GRIP1: variants seen among roughly 807,000 people sequenced by gnomAD.
GRIP1 encodes glutamate receptor-interacting protein 1.
A neutral mutation model predicts 129.9 loss-of-function variants in GRIP1; 45 were observed. The ratio of observed to expected loss-of-function variants is 0.35; its 90% CI spans 0.27 to 0.44. GRIP1 has a LOEUF of 0.44. Among genes scored for constraint, GRIP1 ranks in the 20% least tolerant of loss-of-function variants. The pLI is 1.00. For missense variants in GRIP1, 1,196 were observed against 1,396.8 expected, an observed-to-expected ratio of 0.86 and a Z score of 2.29; for synonymous variants, 530 against 520.8, an observed-to-expected ratio of 1.02 and a Z score of -0.24.
At chr12:66,479,177 C>T (rs1350011410) in intron 7 of GRIP1, among the ~76,000 whole-genome samples, 1 of 150,546 alleles carries the variant, frequency 6.6e-6, no homozygotes, top group Non-Finnish European at 1.5e-5. Context: ...ACTAGCCAGA[C>T]TAATAAGGAA....
chr12:66,942,713 T>C (rs1203904116), intron 1 of GRIP1, among the ~76,000 whole-genome samples: 2 of 152,198 alleles, frequency 1.3e-5, no homozygotes, highest in Non-Finnish European at 2.9e-5. Context: ...GGCAGTGTAA[T>C]GGACTGCATG....
At chr12:66,600,288 A>G (rs2064222648) in intron 1 of GRIP1, among the ~76,000 whole-genome samples, 1 of 152,208 alleles carries the variant, frequency 6.6e-6, no homozygotes, top group African/African-American at 2.4e-5. Context: ...GATCTATGTT[A>G]ATAATTTTCC....
chr12:66,658,915 T>G lies in GRIP1; in HGVS notation c.55+19935A>C, dbSNP rs190513957. On this transcript the variant is annotated intron_variant, in intron 1 of 24. Coordinates refer to ENST00000359742, the MANE Select transcript of GRIP1 (RefSeq NM_001366722.1). ...CTCCAGTCTGAGCAACACAGTGAGA[T>G]CTTGTCTCCAAAAAAAAAACAAAAT... Among the ~76,000 whole-genome samples the G allele has an allele frequency of 1.1e-3, 160 of 149,964 alleles. 1 individual carries two copies. Among genetic ancestry groups the G allele is most frequent in the African/African-American group, 3.6e-3 (145 of 39,994 alleles).
chr12:66,500,090 C>T (rs2060349233), intron 7 of GRIP1, among the ~76,000 whole-genome samples: 1 of 152,108 alleles, frequency 6.6e-6, no homozygotes, highest in African/African-American at 2.4e-5. Flanking sequence ...ATAACAACAA[C>T]AATAATAAAA....
chr12:66,508,383 A>C (rs892614240), intron 7 of GRIP1, among the ~76,000 whole-genome samples: 3 of 152,192 alleles, frequency 2.0e-5, no homozygotes, highest in Admixed American at 2.0e-4. Context: ...TAGTGTCCCC[A>C]CAGAGTTTGT....
chr12:66,598,885 G>A (rs2064162454), intron 1 of GRIP1, among the ~76,000 whole-genome samples: 1 of 152,128 alleles, frequency 6.6e-6, no homozygotes, highest in Non-Finnish European at 1.5e-5. Context: ...TCCAGTGTTG[G>A]ATTTTTATAA....
At chr12:66,936,329 G>A (rs183831042) in intron 1 of GRIP1, among the ~76,000 whole-genome samples, 1 of 151,798 alleles carries the variant, frequency 6.6e-6, no homozygotes, top group African/African-American at 2.4e-5. Flanking sequence ...AGGAGGCTGA[G>A]GCAGGAGGAT....
At chr12:66,525,943 A>G (rs548619259) in intron 5 of GRIP1, among the ~76,000 whole-genome samples, 1 of 152,268 alleles carries the variant, frequency 6.6e-6, no homozygotes, top group South Asian at 2.1e-4. Context: ...TGCTTCAAAG[A>G]GAATAAAATA....
chr12:66,437,217 C>A (rs1455415512), intron 13 of GRIP1, among the ~76,000 whole-genome samples: 1 of 152,172 alleles, frequency 6.6e-6, no homozygotes, highest in Non-Finnish European at 1.5e-5. Context: ...AGTCTTGAAA[C>A]AACTCACATC....
chr12:66,778,300 G>A (rs2038052336), intron 1 of GRIP1, among the ~76,000 whole-genome samples: 1 of 152,072 alleles, frequency 6.6e-6, no homozygotes, highest in Non-Finnish European at 1.5e-5. Context: ...ATTATTAAAA[G>A]TGGCAAAAAG....
intron 23 of GRIP1, among the ~76,000 whole-genome samples, chr12:66,365,734 G>A (rs528972870): frequency 2.4e-4 from 36 of 152,292 alleles, no homozygotes; most frequent in Middle Eastern, 6.8e-3. Context: ...TCTCATTCTG[G>A]TATACAACCT....
At chr12:66,506,828 T>C (rs1249664604) in intron 7 of GRIP1, among the ~76,000 whole-genome samples, 1 of 152,028 alleles carries the variant, frequency 6.6e-6, no homozygotes, top group Non-Finnish European at 1.5e-5. Flanking sequence ...TTTGAATATG[T>C]AAAAGGGAAT....
At chr12:67,046,986 T>A (rs1447145353) in intron 1 of GRIP1, among the ~76,000 whole-genome samples, 1 of 152,220 alleles carries the variant, frequency 6.6e-6, no homozygotes, top group Non-Finnish European at 1.5e-5. Context: ...AATTTGCATT[T>A]ACCTAATCAA....
At chr12:66,674,943 C>A (rs897773557) in intron 1 of GRIP1, among the ~76,000 whole-genome samples, 3 of 152,120 alleles carry the variant, frequency 2.0e-5, no homozygotes, top group Admixed American at 6.5e-5. Flanking sequence ...CTGCCAGCCA[C>A]AGATGTCTCA....
intron 1 of GRIP1, among the ~76,000 whole-genome samples, chr12:66,660,492 A>G (rs1342545721): frequency 2.0e-5 from 3 of 152,164 alleles, no homozygotes; most frequent in African/African-American, 7.2e-5. Context: ...AGTATCAATT[A>G]GTTATTATTA....
chr12:66,647,689 T>C (rs986265595), intron 1 of GRIP1, among the ~76,000 whole-genome samples: 3 of 152,100 alleles, frequency 2.0e-5, no homozygotes, highest in African/African-American at 7.3e-5. Context: ...CAACATCACA[T>C]ATTCTTAGAG....
chr12:66,868,370 T>A (rs942536899), intron 1 of GRIP1, among the ~76,000 whole-genome samples: 1 of 152,054 alleles, frequency 6.6e-6, no homozygotes, highest in Non-Finnish European at 1.5e-5. Context: ...GAAGACTCAA[T>A]GAGACATCTT....
At chr12:66,971,486 T>C (rs1473584311) in intron 1 of GRIP1, among the ~76,000 whole-genome samples, 1 of 152,178 alleles carries the variant, frequency 6.6e-6, no homozygotes, top group Non-Finnish European at 1.5e-5. Context: ...ATTGATTCAC[T>C]CATTCAATAA....
At chr12:66,721,610 T>TA (rs1281022626) in intron 1 of GRIP1, among the ~76,000 whole-genome samples, 1 of 152,210 alleles carries the variant, frequency 6.6e-6, no homozygotes, top group African/African-American at 2.4e-5. Flanking sequence ...GGCTTCAACT[T>TA]AAAATCACAA....
Sources: gnomAD v4.1 joint callset for allele counts (sites outside exome capture counted in the v4.1 genomes callset) on GRCh38, gnomAD v4.1.1 for gene constraint, MANE v1.5 for transcripts, NCBI Gene and HGNC (gene_info 2026-07-23, HGNC 2026-07-21) for gene names.